The following MGAT5 variants were observed in gnomAD, a reference collection of about 807,000 sequenced individuals.
MGAT5 encodes the protein alpha-1,6-mannosylglycoprotein 6-beta-N-acetylglucosaminyltransferase, also known as alpha-1,6-mannosylglycoprotein 6-beta-N-acetylglucosaminyltransferase A.
In MGAT5, 30 loss-of-function variants were observed where a neutral mutation model predicts 94.3. That is an observed-to-expected ratio of 0.32 (90% CI 0.24 to 0.43). The LOEUF (loss-of-function observed/expected upper bound fraction) is 0.43, where lower values mean the gene tolerates loss of function less well. MGAT5 is among the 20% of genes least tolerant of loss of function. The pLI, the probability that MGAT5 is intolerant of heterozygous loss-of-function variation, is 1.00. For synonymous variants in MGAT5, 310 were observed against 322.9 expected, an observed-to-expected ratio of 0.96 and a Z score of 0.43; for missense variants, 691 against 905.5, an observed-to-expected ratio of 0.76 and a Z score of 3.04.
intron 1 of MGAT5, among the ~76,000 whole-genome samples, chr2:134,140,775 A>C (rs1686620209): frequency 6.6e-6 from 1 of 152,218 alleles, no homozygotes; most frequent in Non-Finnish European, 1.5e-5. Context: ...GCAGGAAAAA[A>C]AAGTGCTAGC....
At chr2:134,171,683 A>G (rs536441536) in intron 1 of MGAT5, among the ~76,000 whole-genome samples, 5 of 152,334 alleles carry the variant, frequency 3.3e-5, no homozygotes, top group African/African-American at 4.8e-5. Flanking sequence ...CCTGTTTGCA[A>G]TGGATCAAGT....
intron 1 of MGAT5, among the ~76,000 whole-genome samples, chr2:134,170,256 C>T (rs115813203): frequency 8.5e-5 from 13 of 152,292 alleles, no homozygotes; most frequent in African/African-American, 2.4e-4. Context: ...CAGCTTTTTC[C>T]GTATCACGAT....
chr2:134,191,811 CG>C (rs1290752716), intron 1 of MGAT5, among the ~76,000 whole-genome samples: 1 of 148,684 alleles, frequency 6.7e-6, no homozygotes, highest in African/African-American at 2.5e-5. Context: ...CTCGCGCGAG[CG>C]GGTTCCTGAT....
chr2:134,248,445 G>C (rs1682405862), intron 1 of MGAT5, among the ~76,000 whole-genome samples: 1 of 152,218 alleles, frequency 6.6e-6, no homozygotes, highest in Non-Finnish European at 1.5e-5. Flanking sequence ...AGTCTAGGGA[G>C]CCCCTGGAGG....
At chr2:134,390,354 G>C (rs938999472) in intron 10 of MGAT5, among the ~76,000 whole-genome samples, 1 of 151,880 alleles carries the variant, frequency 6.6e-6, no homozygotes, top group Non-Finnish European at 1.5e-5. Flanking sequence ...TTGTTTGTTT[G>C]TTTGTTTGTT....
rs1023459992 is a variant in MGAT5, at chr2:134,295,415, A to G, written c.407-22114A>G. 2.6e-5 allele frequency among the ~76,000 whole-genome samples: 4 copies of G among 152,316 alleles called. No individual in the cohort carries two copies. In the South Asian group the frequency reaches 8.3e-4, roughly 32 times the overall value. ...ATGTGGTATCTTAGGATCCTCTTGCAGTAATTTCCAAACATAAGAGCTGCG... is the reference window on the plus strand; with the variant it reads ...ATGTGGTATCTTAGGATCCTCTTGCGGTAATTTCCAAACATAAGAGCTGCG... On this transcript the variant is annotated intron_variant, in intron 2 of 15. Transcript: ENST00000281923.
chr2:134,397,693 G>C (rs1257280326), intron 10 of MGAT5, among the ~76,000 whole-genome samples: 6 of 152,172 alleles, frequency 3.9e-5, no homozygotes, highest in African/African-American at 1.2e-4. Flanking sequence ...TGTGAGCACT[G>C]ACTGAAAAAG....
chr2:134,276,532 A>G (rs192605497), intron 2 of MGAT5, among the ~76,000 whole-genome samples: 6 of 152,340 alleles, frequency 3.9e-5, no homozygotes, highest in African/African-American at 7.2e-5. Flanking sequence ...GTCCCCAAAG[A>G]TCTACTTTAC....
intron 9 of MGAT5, among the ~76,000 whole-genome samples, chr2:134,352,803 C>T (rs1221226375): frequency 1.3e-5 from 2 of 152,164 alleles, no homozygotes; most frequent in African/African-American, 4.8e-5. Context: ...TAGAAGCAAC[C>T]CAAATGTCCA....
Position 134,403,032 on chromosome 2 carries a change from G to A in MGAT5, c.1425G>A (p.Val475=). Residue 475 remains valine (V), a synonymous_variant, in exon 11 of 16, where the codon GTG becomes GTA. Coordinates refer to ENST00000281923, the MANE Select transcript of MGAT5 (RefSeq NM_002410.5). ...YLDIIHTYME[V]HATVYGSSTK... ...ACATTATTCACACATACATGGAAGT[G>A]CATGCAACTGTTTATGGCTCCAGCA... 6.2e-7 allele frequency: 1 copy of A among 1,611,550 alleles called. No individual in the cohort carries two copies. Among genetic ancestry groups the A allele is most frequent in the Non-Finnish European group, 8.5e-7 (1 of 1,179,472 alleles).
intron 1 of MGAT5, among the ~76,000 whole-genome samples, chr2:134,144,660 A>C (rs1458302961): frequency 1.3e-5 from 2 of 152,222 alleles, no homozygotes; most frequent in East Asian, 1.9e-4. Flanking sequence ...CTTCCCTAAA[A>C]AGTAAGGTCT....
chr2:134,197,437 A>C (rs1476896350), intron 1 of MGAT5, among the ~76,000 whole-genome samples: 1 of 152,250 alleles, frequency 6.6e-6, no homozygotes, highest in African/African-American at 2.4e-5. Flanking sequence ...TGGAAAAGCA[A>C]AGCTTGTATT....
chr2:134,142,808 C>CT (rs1686718907), intron 1 of MGAT5, among the ~76,000 whole-genome samples: 1 of 152,110 alleles, frequency 6.6e-6, no homozygotes, highest in Non-Finnish European at 1.5e-5. Context: ...GGGATAAAGA[C>CT]AAGGTCTCAC....
chr2:134,252,916 C>A (rs184559081), upstream of MGAT5, among the ~76,000 whole-genome samples: 1 of 152,250 alleles, frequency 6.6e-6, no homozygotes, highest in African/African-American at 2.4e-5. Flanking sequence ...TGACCTTTGC[C>A]AAGTTAATCA....
At chr2:134,182,645 C>T (rs560621335) in intron 1 of MGAT5, among the ~76,000 whole-genome samples, 5 of 152,260 alleles carry the variant, frequency 3.3e-5, no homozygotes, top group Admixed American at 2.0e-4. Flanking sequence ...CTCGTGTTCC[C>T]GTTTCCGGTC....
Position 134,318,753 on chromosome 2 carries a change from T to G in MGAT5, c.573+14T>G. 1 of 1,586,966 alleles carries G rather than the reference T, an allele frequency of 6.3e-7. No homozygotes were observed. Among genetic ancestry groups the G allele is most frequent in the African/African-American group, 1.3e-5 (1 of 74,498 alleles). On this transcript the variant is annotated intron_variant, in intron 4 of 15. Transcript: ENST00000281923. ...TACCTCAGTGAGGTGAGTAGCTTTC[T>G]GTGGCTCCTGGGGGTAGATGTGACT...
At chr2:134,431,104 C>T (rs1295643881) in intron 14 of MGAT5, among the ~76,000 whole-genome samples, 5 of 152,040 alleles carry the variant, frequency 3.3e-5, no homozygotes, top group African/African-American at 1.2e-4. Flanking sequence ...GGAGAAATGT[C>T]ATGGGGAATG....
rs1323007988 is a variant in MGAT5 at position 134,152,311 on chromosome 2, T to C, written c.-143+32020T>C. ...TGCTTACCACCATGGGACCCGCTTA[T>C]CACTCACGCCCTATGGGACCCGCCC... On this transcript the variant is annotated intron_variant, in intron 1 of 16. Transcript: ENST00000409645. 3.3e-3 allele frequency among the ~76,000 whole-genome samples: 319 copies of C among 96,152 alleles called. 6 individuals are homozygous for C. Among genetic ancestry groups the C allele is most frequent in the African/African-American group, 9.7e-3 (281 of 28,934 alleles). 63.1% of individuals were successfully genotyped at this position (96,152 alleles called of 152,430 possible).
At chr2:134,144,273 T>TG (rs1686801725) in intron 1 of MGAT5, among the ~76,000 whole-genome samples, 1 of 152,166 alleles carries the variant, frequency 6.6e-6, no homozygotes, top group African/African-American at 2.4e-5. Context: ...GCTCGGCTTC[T>TG]GGGGAGGTAC....
Sources: gnomAD v4.1 joint callset for allele counts (sites outside exome capture counted in the v4.1 genomes callset) on GRCh38, gnomAD v4.1.1 for gene constraint, MANE v1.5 for transcripts, NCBI Gene and HGNC (gene_info 2026-07-23, HGNC 2026-07-21) for gene names.